ITGA7: variants seen among roughly 807,000 people sequenced by gnomAD.
ITGA7 encodes the protein integrin alpha-7.
In ITGA7, 84 loss-of-function variants were observed where a neutral mutation model predicts 131.6. That is an observed-to-expected ratio of 0.64 (90% CI 0.54 to 0.77). The LOEUF is 0.77. ITGA7 is among the 30% of genes least tolerant of loss of function. ITGA7 has a pLI of 0.00. For missense variants in ITGA7, 1,399 were observed against 1,482.9 expected (o/e 0.94, Z 0.93); for synonymous variants, 548 against 600.7 (o/e 0.91, Z 1.28).
upstream of ITGA7, among the ~76,000 whole-genome samples, chr12:55,714,400 C>G (rs1876352050): frequency 1.3e-5 from 2 of 151,400 alleles, no homozygotes; most frequent in Admixed American, 6.6e-5. Context: ...CGCCTGTAGT[C>G]CCAGCTACTT....
chr12:55,713,714 G>C (rs1398961919), upstream of ITGA7, among the ~76,000 whole-genome samples: 1 of 152,178 alleles, frequency 6.6e-6, no homozygotes, highest in Non-Finnish European at 1.5e-5. Context: ...GTTTTTATTA[G>C]AATTTTTATT....
chr12:55,693,282 G>C lies in ITGA7; in HGVS notation c.2571C>G (p.Gly857=), dbSNP rs1313833968. ...SNQGQSLRTL[G]SAFLNIMWPH... is the part of the protein sequence containing the mutation. The stretch of plus-strand genomic sequence containing the variant: ...GCCACATGATGTTGAGGAAGGCAGA[G>C]CCCAGGGTTCTGAGCGACTGGCCTT... The change falls in exon 20 of 25, where the codon GGC becomes GGG. Residue 857 remains glycine (G), a synonymous_variant. Coordinates refer to ENST00000257879, the MANE Select transcript of ITGA7 (RefSeq NM_002206.3). 6.2e-7 allele frequency: 1 copy of C among 1,614,074 alleles called. No individual in the cohort carries two copies. Among genetic ancestry groups the C allele is most frequent in the Non-Finnish European group, 8.5e-7 (1 of 1,180,012 alleles).
chr12:55,692,805 C>T (rs1182963208), intron 21 of ITGA7, 39 bp downstream of exon 21: 2 of 1,575,460 alleles, frequency 1.3e-6, no homozygotes, highest in African/African-American at 2.7e-5. Context: ...CACGCAGCAC[C>T]CCGGAGCTCT....
chr12:55,708,891 C>T (rs923430587), upstream of ITGA7, among the ~76,000 whole-genome samples: 2 of 152,212 alleles, frequency 1.3e-5, no homozygotes. Context: ...CCCTCTTCCT[C>T]TCCCTTTCCC....
At chr12:55,715,947 T>C (rs1477185604), upstream of ITGA7, 1 of 1,371,158 alleles carries the variant, frequency 7.3e-7, no homozygotes, top group South Asian at 1.5e-5. Flanking sequence ...TAAAGAACAC[T>C]TCACCTGCCC....
chr12:55,694,890 G>A lies in ITGA7; in HGVS notation c.2084C>T (p.Pro695Leu), dbSNP rs1318700669. 1 of 1,614,022 alleles carries A rather than the reference G, an allele frequency of 6.2e-7. No individual in the cohort carries two copies. The highest frequency in any genetic ancestry group is 2.2e-5 in the East Asian group (1 of 44,866). ...AGCCTGGGGCTGGGCTGGGTCCGAT[G>A]GCAGGTTGGTGACCATCAGCTCCAG... ...IGLELMVTNL[P>L]SDPAQPQADG... The change falls in exon 15 of 25, where the codon CCA becomes CTA. Residue 695 changes from proline to leucine, a missense_variant. Physicochemically the swap from Pro to Leu is moderately conservative, Grantham distance 98 (BLOSUM62 -3). Transcript: ENST00000257879. The surrounding 1 kb of genome is among the most constrained non-coding windows in gnomAD (Gnocchi z 5.3).
intron 7 of ITGA7, 38 bp downstream of exon 7, chr12:55,698,345 C>CCCCT (rs1873112374): frequency 6.4e-7 from 1 of 1,553,406 alleles, no homozygotes. Context: ...CCTCCTGTGG[C>CCCCT]CCCTCCCTCC....
Position 55,697,794 on chromosome 12 carries a change from T to C in ITGA7, c.1310A>G (p.Lys437Arg). The C allele has an allele frequency of 6.2e-7, 1 of 1,614,176 alleles. No homozygotes were observed. Among genetic ancestry groups the C allele is most frequent in the Non-Finnish European group, 8.5e-7 (1 of 1,180,022 alleles). The change falls in exon 9 of 25, where the codon AAG becomes AGG. Residue 437 changes from lysine to arginine, a missense_variant. Physicochemically the swap from Lys to Arg is conservative, Grantham distance 26. Transcript: ENST00000257879. The stretch of plus-strand genomic sequence containing the variant: ...GCCTGACAGGGAGTAGCCGAAGCTC[T>C]TGATGCCCACAGCCTCGCCCTCCAG... ...QVLEGEAVGI[K>R]SFGYSLSGSL...
intron 1 of ITGA7, among the ~76,000 whole-genome samples, chr12:55,705,371 CAAAA>C (rs537771896): frequency 5.8e-5 from 4 of 69,296 alleles, no homozygotes; most frequent in African/African-American, 2.1e-4. Context: ...GAGAGAAAAG[CAAAA>C]AAAAAAAAAA....
rs577585789 is a variant in ITGA7, at chr12:55,695,516, C to G, written c.2003+6G>C. The stretch of plus-strand genomic sequence containing the variant: ...CCACCCCCACCCTGCTCTCTGCCCC[C>G]CTCACATGGGCAGAGGTTGGAATTC... On this transcript the variant is annotated splice_donor_region_variant and intron_variant, in intron 14 of 24. Coordinates refer to ENST00000257879, the MANE Select transcript of ITGA7 (RefSeq NM_002206.3). The G allele has an allele frequency of 5.8e-6, 9 of 1,563,308 alleles. No homozygotes were observed. The Admixed American group carries it at 1.5e-4, about 26-fold the overall frequency.
At chr12:55,685,418 T>A (rs1869881559) in intron 24 of ITGA7, 130 bp from the exon 25 acceptor site, 1 of 840,326 alleles carries the variant, frequency 1.2e-6, no homozygotes, top group African/African-American at 1.7e-5. Flanking sequence ...CTGAATAGCA[T>A]CTGGTGTGGT....
intron 4 of ITGA7, 82 bp from the exon 5 acceptor site, chr12:55,700,071 C>A: frequency 1.3e-6 from 2 of 1,544,722 alleles, no homozygotes; most frequent in Non-Finnish European, 1.8e-6. Flanking sequence ...CACAGAAAGG[C>A]CAGAAAATGG....
Position 55,701,068 on chromosome 12 carries a change from G to C in ITGA7, c.501C>G (p.Ser167Arg). The C allele has an allele frequency of 6.2e-7, 1 of 1,614,224 alleles. No individual in the cohort carries two copies. The highest frequency in any genetic ancestry group is 1.3e-5 in the African/African-American group (1 of 75,048). Reference sequence around the variant, plus strand: ...ACTCATCCCGGATGGCCAGGTCCTGGCTGAGCACAAAGCAGCGACCAATCA... The same window carrying C: ...ACTCATCCCGGATGGCCAGGTCCTGCCTGAGCACAAAGCAGCGACCAATCA... ...RDMIGRCFVL[S>R]QDLAIRDELD... is the part of the protein sequence containing the mutation. Residue 167 changes from serine to arginine, a missense_variant, in exon 4 of 25, where the codon AGC (serine) becomes AGG (arginine). Ser to Arg is a moderately radical substitution (Grantham distance 110). Coordinates refer to ENST00000257879, the MANE Select transcript of ITGA7 (RefSeq NM_002206.3).
Position 55,694,653 on chromosome 12 carries a change from C to T in ITGA7, c.2239G>A (p.Glu747Lys). 1 of 1,614,154 alleles carries T rather than the reference C, an allele frequency of 6.2e-7. No individual in the cohort carries two copies. Among genetic ancestry groups the T allele is most frequent in the Non-Finnish European group, 8.5e-7 (1 of 1,180,006 alleles). ...CLSNENASHVECELGNPMKRG... is the reference protein window; with the variant it reads ...CLSNENASHVKCELGNPMKRG... ...TTCATGGGGTTCCCCAGCTCACACT[C>T]AACATGGGAGGCATTCTCATTGGAC... Residue 747 changes from glutamate to lysine, a missense_variant, in exon 16 of 25, where the codon GAG becomes AAG. Coordinates refer to ENST00000257879, the MANE Select transcript of ITGA7 (RefSeq NM_002206.3). This position sits in a 1 kb window ranked among gnomAD's most constrained non-coding sequence, Gnocchi z 5.3.
chr12:55,716,057 C>T (rs764629828), upstream of ITGA7: 1 of 1,557,706 alleles, frequency 6.4e-7, no homozygotes, highest in African/African-American at 1.4e-5. Flanking sequence ...GTGACATGGC[C>T]CCGGGGAGCC....
In ITGA7 at chr12:55,685,306, C is replaced by T. The variant is rs779300123; in HGVS notation, c.3184-18G>A. ...AATCCCATCTATAAGGACACCAGGC[C>T]AGACCATGAGGAGCCTGAAGAGCTG... On this transcript the variant is annotated intron_variant, in intron 24 of 24. Transcript: ENST00000257879. 11 of 1,611,874 alleles carry T rather than the reference C, an allele frequency of 6.8e-6. No individual in the cohort carries two copies. The highest frequency in any genetic ancestry group is 1.7e-4 in the Middle Eastern group (1 of 6,060).
chr12:55,687,700 G>C (rs1381780126), intron 24 of ITGA7, among the ~76,000 whole-genome samples: 4 of 151,938 alleles, frequency 2.6e-5, no homozygotes, highest in Admixed American at 6.6e-5. Context: ...ATGTTGTCCA[G>C]GCTGGTCTCG....
chr12:55,701,449 C>A (rs960810690), intron 3 of ITGA7: 8 of 1,550,408 alleles, frequency 5.2e-6, no homozygotes, highest in Non-Finnish European at 7.0e-6. Flanking sequence ...ATTAAGCCAC[C>A]ACATAGGATG....
At chr12:55,690,885 C>CAA (rs1011508600) in intron 21 of ITGA7, among the ~76,000 whole-genome samples, 32 of 151,942 alleles carry the variant, frequency 2.1e-4, no homozygotes, top group African/African-American at 7.3e-4. Flanking sequence ...AACCAAACAC[C>CAA]GCATATTCTC....
Sources: allele counts gnomAD v4.1 joint callset (sites outside exome capture counted in the v4.1 genomes callset), GRCh38; gene constraint gnomAD v4.1.1; non-coding constraint Gnocchi (gnomAD v3.1); transcripts MANE v1.5; gene names NCBI Gene and HGNC (gene_info 2026-07-23, HGNC 2026-07-21).